The following CCDC6 variants were observed in gnomAD, a reference collection of about 807,000 sequenced individuals.
CCDC6 encodes the protein coiled-coil domain-containing protein 6.
A neutral mutation model predicts 56.6 loss-of-function variants in CCDC6; 20 were observed. That is an observed-to-expected ratio of 0.35 (90% CI 0.25 to 0.51). CCDC6 has a LOEUF of 0.51. Ranked by LOEUF, CCDC6 falls within the 20% of genes least tolerant of loss-of-function variation. The pLI, the probability that CCDC6 is intolerant of heterozygous loss-of-function variation, is 0.95. For missense variants in CCDC6, 367 were observed against 601.1 expected (o/e 0.61, Z 4.07); for synonymous variants, 241 against 234.4 (o/e 1.03, Z -0.26).
chr10:59,804,046 T>G (rs779703324), intron 7 of CCDC6, among the ~76,000 whole-genome samples: 3 of 152,214 alleles, frequency 2.0e-5, no homozygotes, highest in Non-Finnish European at 4.4e-5. Flanking sequence ...ATGTGGAATA[T>G]GGTAAAAGAA....
At chr10:59,847,817 C>CTTT (rs757902015) in intron 2 of CCDC6, among the ~76,000 whole-genome samples, 3,335 of 104,790 alleles carry the variant, frequency 0.032, 142 homozygotes, top group African/African-American at 0.064. Flanking sequence ...GCCTTTTAGA[C>CTTT]TTTTTTTTTT....
Position 59,897,962 on chromosome 10 carries a change from T to C in CCDC6, c.303+8160A>G, listed in dbSNP as rs1201060373. ...CCCTGGTGGGTATTACCCAGATCACTTTGGACACACACCTGGCACCACAAG... is the reference window on the plus strand; with the variant it reads ...CCCTGGTGGGTATTACCCAGATCACCTTGGACACACACCTGGCACCACAAG... On this transcript the variant is annotated intron_variant, in intron 1 of 8. Coordinates refer to ENST00000263102, the MANE Select transcript of CCDC6 (RefSeq NM_005436.5). Among the ~76,000 whole-genome samples, 3 of 152,324 alleles carry C rather than the reference T, an allele frequency of 2.0e-5. No homozygotes were observed. In the East Asian group the frequency reaches 5.8e-4, roughly 29 times the overall value.
chr10:59,827,358 A>C (rs1369179022), intron 3 of CCDC6, among the ~76,000 whole-genome samples: 1 of 152,238 alleles, frequency 6.6e-6, no homozygotes, highest in African/African-American at 2.4e-5. Context: ...GACACATACA[A>C]TTATATATCA....
At chr10:59,812,959 T>C (rs926273077) in intron 4 of CCDC6, among the ~76,000 whole-genome samples, 164 bp from the exon 5 acceptor site, 3 of 152,224 alleles carry the variant, frequency 2.0e-5, no homozygotes, top group African/African-American at 4.8e-5. Flanking sequence ...CTTCTGCCCT[T>C]ACGTGGTGTC....
At chr10:59,877,682 T>G (rs1320756361) in intron 1 of CCDC6, among the ~76,000 whole-genome samples, 1 of 152,120 alleles carries the variant, frequency 6.6e-6, no homozygotes, top group Non-Finnish European at 1.5e-5. Context: ...CACAACAGAA[T>G]ATGTTAAGTT....
intron 1 of CCDC6, among the ~76,000 whole-genome samples, chr10:59,863,842 C>A (rs931373216): frequency 2.6e-5 from 4 of 152,098 alleles, no homozygotes; most frequent in South Asian, 4.1e-4. Context: ...TGAAAAAGCC[C>A]TAACTTTACA....
rs1189041667 is a variant in CCDC6 at position 59,791,732 on chromosome 10, G to A, written c.*1185C>T. On this transcript the variant is annotated 3_prime_UTR_variant, in exon 9 of 9. Coordinates refer to ENST00000263102, the MANE Select transcript of CCDC6 (RefSeq NM_005436.5). ...AAAATTAAGATGTTGCACGTGTTAA[G>A]AAAAGAGTGACTCAGTGTTCCACTG... is the stretch of plus-strand genomic sequence containing the variant. 1 of 213,024 alleles carries A rather than the reference G, an allele frequency of 4.7e-6. No homozygotes were observed. The highest frequency in any genetic ancestry group is 9.5e-6 in the Non-Finnish European group (1 of 105,050). The allele number at this position is 213,024 out of a possible 1,614,324, so 13.2% of individuals were successfully genotyped here. A position where few individuals can be genotyped will look rare whatever the true frequency, so the allele number is the denominator to read the frequency against.
intron 1 of CCDC6, among the ~76,000 whole-genome samples, chr10:59,886,858 C>T (rs866048679): frequency 1.3e-5 from 2 of 152,136 alleles, no homozygotes; most frequent in African/African-American, 4.8e-5. Flanking sequence ...AAAAAGAATA[C>T]AAATGGCTCT....
chr10:59,799,828 T>C (rs1466658629), intron 7 of CCDC6, among the ~76,000 whole-genome samples: 1 of 152,162 alleles, frequency 6.6e-6, no homozygotes, highest in Non-Finnish European at 1.5e-5. Flanking sequence ...CTTAATCTCA[T>C]TGTGCTTTAG....
At chr10:59,846,687 T>G (rs1030713400) in intron 2 of CCDC6, among the ~76,000 whole-genome samples, 1 of 152,240 alleles carries the variant, frequency 6.6e-6, no homozygotes, top group African/African-American at 2.4e-5. Flanking sequence ...AAATGTGAAT[T>G]GAAAGTACCG....
At chr10:59,850,967 T>A (rs1248825299) in intron 2 of CCDC6, among the ~76,000 whole-genome samples, 1 of 151,942 alleles carries the variant, frequency 6.6e-6, no homozygotes, top group African/African-American at 2.4e-5. Context: ...AACATCAATA[T>A]CCTTAAAAGG....
At chr10:59,884,743 G>C (rs962484861) in intron 1 of CCDC6, among the ~76,000 whole-genome samples, 1 of 152,176 alleles carries the variant, frequency 6.6e-6, no homozygotes, top group Admixed American at 6.5e-5. Flanking sequence ...ACTTGTATTT[G>C]CATAATATGT....
At chr10:59,874,848 G>T (rs578220194) in intron 1 of CCDC6, among the ~76,000 whole-genome samples, 1 of 152,256 alleles carries the variant, frequency 6.6e-6, no homozygotes, top group Admixed American at 6.5e-5. Flanking sequence ...GCAAGAAAAT[G>T]GACTCTCCTC....
intron 1 of CCDC6, among the ~76,000 whole-genome samples, chr10:59,898,919 TAAGTA>T (rs1220544920): frequency 6.6e-6 from 1 of 152,082 alleles, no homozygotes; most frequent in African/African-American, 2.4e-5. Flanking sequence ...CAGGAACCAA[TAAGTA>T]AAGGGGAGGG....
Position 59,788,774 on chromosome 10 carries a change from A to G in CCDC6, c.*4143T>C, listed in dbSNP as rs1303755168. ...TAAGGCTCAAGAGGTACATTTTAAA[A>G]AATTATCTTTATTTAGGTTTCTGAT... On this transcript the variant is annotated 3_prime_UTR_variant, in exon 9 of 9. Coordinates refer to ENST00000263102, the MANE Select transcript of CCDC6 (RefSeq NM_005436.5). The G allele has an allele frequency of 1.1e-5, 2 of 185,158 alleles. No individual in the cohort carries two copies. The highest frequency in any genetic ancestry group is 4.7e-5 in the African/African-American group (2 of 42,614). The allele number at this position is 185,158 out of a possible 1,614,324, so 11.5% of individuals were successfully genotyped here.
intron 1 of CCDC6, among the ~76,000 whole-genome samples, chr10:59,855,553 G>A (rs2071074848): frequency 6.6e-6 from 1 of 152,188 alleles, no homozygotes; most frequent in Admixed American, 6.6e-5. Context: ...GTGACAGAGT[G>A]AGACTCTGTC....
intron 1 of CCDC6, among the ~76,000 whole-genome samples, chr10:59,893,301 TTTAAATTCACTGAGCAGCCGGG>T (rs143460387): frequency 0.18 from 26,782 of 152,098 alleles, 3,051 homozygotes; most frequent in Middle Eastern, 0.27. Flanking sequence ...TGACTTCATT[TTTAAATTCACTGAGCAGCCGGG>T]TATGGTGGCT....
chr10:59,881,140 C>G (rs141648590), intron 1 of CCDC6, among the ~76,000 whole-genome samples: 1 of 152,130 alleles, frequency 6.6e-6, no homozygotes, highest in Admixed American at 6.5e-5. Context: ...ACCATAATAG[C>G]CATCTTCAAC....
Position 59,794,564 on chromosome 10 carries a change from G to A in CCDC6, c.1139C>T (p.Thr380Met), listed in dbSNP as rs1370296808. 6 of 1,613,528 alleles carry A rather than the reference G, an allele frequency of 3.7e-6. No individual in the cohort carries two copies. Among genetic ancestry groups the A allele is most frequent in the Non-Finnish European group, 4.2e-6 (5 of 1,179,572 alleles). Reference protein sequence around the residue: ...LSYASHTVGFTPPTSLTRAGM... With the variant: ...LSYASHTVGFMPPTSLTRAGM... Reference sequence around the variant, plus strand: ...AGCTCTAGTCAGTGAAGTTGGTGGCGTGAAACCAACCGTGTGACTTGCATA... The same window carrying A: ...AGCTCTAGTCAGTGAAGTTGGTGGCATGAAACCAACCGTGTGACTTGCATA... Residue 380 changes from threonine (T) to methionine (M), a missense_variant, in exon 8 of 9, where the codon ACG (threonine) becomes ATG (methionine). Thr to Met is a moderately conservative substitution (Grantham distance 81). This residue lies in a region of CCDC6 where 79 missense variants were observed against 83.9 expected (regional missense o/e 0.94). Coordinates refer to ENST00000263102, the MANE Select transcript of CCDC6 (RefSeq NM_005436.5).
Sources: allele counts gnomAD v4.1 joint callset (sites outside exome capture counted in the v4.1 genomes callset), GRCh38; gene constraint gnomAD v4.1.1; regional missense constraint gnomAD v4.1.1; transcripts MANE v1.5; gene names NCBI Gene and HGNC (gene_info 2026-07-23, HGNC 2026-07-21).